PACS1: variants seen among roughly 807,000 people sequenced by gnomAD.
The protein encoded by PACS1 is phosphofurin acidic cluster sorting protein 1, also known as PACS-1.
PACS1 carries 24 observed loss-of-function variants against 115.0 expected under a neutral mutation model. The observed-to-expected ratio is 0.21, with a 90% CI of 0.15 to 0.29. The LOEUF (loss-of-function observed/expected upper bound fraction) is 0.29, where lower values mean the gene tolerates loss of function less well. Ranked by LOEUF, PACS1 falls within the 10% of genes least tolerant of loss-of-function variation. PACS1 has a pLI of 1.00. For synonymous variants in PACS1, 453 were observed against 504.5 expected (o/e 0.90, Z 1.37); for missense variants, 838 against 1,251.2 (o/e 0.67, Z 4.98).
chr11:66,127,596 T>A (rs1858610279), intron 1 of PACS1, among the ~76,000 whole-genome samples: 1 of 152,322 alleles, frequency 6.6e-6, no homozygotes, highest in Non-Finnish European at 1.5e-5. Flanking sequence ...ACGTTCAGTG[T>A]GTAACTTAAA....
chr11:66,090,199 G>A (rs888598463), intron 1 of PACS1, among the ~76,000 whole-genome samples: 4 of 149,254 alleles, frequency 2.7e-5, no homozygotes, highest in Admixed American at 6.7e-5. Context: ...ACTTGACTTG[G>A]CTTGGCTTGG....
At chr11:66,083,405 G>A (rs1857520013) in intron 1 of PACS1, among the ~76,000 whole-genome samples, 2 of 152,158 alleles carry the variant, frequency 1.3e-5, no homozygotes, top group Admixed American at 6.5e-5. Flanking sequence ...TAAAAAGAAT[G>A]GCCGTAATTA....
Position 66,230,620 on chromosome 11 carries a change from A to G in PACS1, c.1447A>G (p.Met483Val), listed in dbSNP as rs1855571118. Reference protein sequence around the residue: ...LVVPEKVKTPMKSSKTDLQGS... With the variant: ...LVVPEKVKTPVKSSKTDLQGS... Reference sequence around the variant, plus strand: ...TGTGCCGGAGAAAGTCAAAACTCCCATGAAGTCCAGTAAAACGGATCTCCA... The same window carrying G: ...TGTGCCGGAGAAAGTCAAAACTCCCGTGAAGTCCAGTAAAACGGATCTCCA... The change falls in exon 12 of 24, where the codon ATG becomes GTG. Residue 483 changes from methionine to valine, a missense_variant. Coordinates refer to ENST00000320580, the MANE Select transcript of PACS1 (RefSeq NM_018026.4). 3.1e-6 allele frequency: 5 copies of G among 1,614,158 alleles called. No individual in the cohort carries two copies. The highest frequency in any genetic ancestry group is 1.3e-5 in the African/African-American group (1 of 75,038).
At chr11:66,210,527 CTG>C in intron 3 of PACS1, 76 bp downstream of exon 3, 2 of 1,062,362 alleles carry the variant, frequency 1.9e-6, no homozygotes, top group Non-Finnish European at 2.9e-6. Context: ...AACCCAGAGA[CTG>C]TTTTATCCCA....
intron 4 of PACS1, among the ~76,000 whole-genome samples, chr11:66,211,828 A>G (rs1414751823): frequency 6.6e-6 from 1 of 152,122 alleles, no homozygotes; most frequent in East Asian, 1.9e-4. Context: ...GATACCCTTT[A>G]TGGGCCTGGG....
At chr11:66,230,258 C>T (rs979535404) in intron 11 of PACS1, 45 of 441,506 alleles carry the variant, frequency 1.0e-4, no homozygotes, top group Non-Finnish European at 1.4e-4. Flanking sequence ...CCTCTTCACT[C>T]CTGGAGACAG....
Position 66,221,276 on chromosome 11 carries a change from G to A in PACS1, c.1293+29G>A, listed in dbSNP as rs773591314. The A allele has an allele frequency of 2.5e-6, 4 of 1,581,438 alleles. 1 individual carries two copies. The highest frequency in any genetic ancestry group is 1.7e-4 in the Middle Eastern group (1 of 5,786). ...AGCGCAACCGCGACTGCGGGGCGGG[G>A]TGGGACCGTGGCATGTCAGGGCTCG... On this transcript the variant is annotated intron_variant, in intron 10 of 23. Transcript: ENST00000320580.
rs1162511627 is a variant in PACS1, at chr11:66,070,599, A to C, written c.113A>C (p.Gln38Pro). Reference protein sequence around the residue: ...SPQQPPPQQQQQQPPQQPTPP... With the variant: ...SPQQPPPQQQPQQPPQQPTPP... Reference sequence around the variant, plus strand: ...CAGCAGCCGCCGCCGCAGCAGCAGCAGCAGCAGCCGCCGCAGCAGCCGACG... The same window carrying C: ...CAGCAGCCGCCGCCGCAGCAGCAGCCGCAGCAGCCGCCGCAGCAGCCGACG... The change falls in exon 1 of 24, where the codon CAG becomes CCG. Residue 38 changes from glutamine to proline, a missense_variant. Coordinates refer to ENST00000320580, the MANE Select transcript of PACS1 (RefSeq NM_018026.4). This position sits in a 1 kb window ranked among gnomAD's most constrained non-coding sequence, Gnocchi z 5.9. 99 of 1,517,034 alleles carry C rather than the reference A, an allele frequency of 6.5e-5. No homozygotes were observed. The highest frequency in any genetic ancestry group is 8.7e-5 in the Non-Finnish European group (99 of 1,141,084). 94.0% of individuals were successfully genotyped at this position (1,517,034 alleles called of 1,614,324 possible). A position where few individuals can be genotyped will look rare whatever the true frequency, so the allele number is the denominator to read the frequency against.
intron 1 of PACS1, among the ~76,000 whole-genome samples, chr11:66,092,331 T>C (rs896454568): frequency 7.2e-5 from 11 of 152,254 alleles, no homozygotes; most frequent in African/African-American, 2.7e-4. Flanking sequence ...TTTTGAGAAG[T>C]GTCTGTTCAT....
At chr11:66,071,476 A>G (rs574802073) in intron 1 of PACS1, among the ~76,000 whole-genome samples, 51 of 152,310 alleles carry the variant, frequency 3.3e-4, no homozygotes, top group African/African-American at 1.1e-3. Flanking sequence ...GGGCTGTATG[A>G]AATTACTGCC....
At position 66,241,509 on chromosome 11, in the gene PACS1, G is replaced by A. The variant is rs1565160995; in HGVS notation, c.2512G>A (p.Gly838Ser). The change falls in exon 22 of 24, where the codon GGC becomes AGC. Residue 838 changes from glycine to serine, a missense_variant. Around this residue, in one of 6 missense-constraint regions of PACS1, gnomAD observed 84 missense variants for 187.1 expected, o/e 0.45. Coordinates refer to ENST00000320580, the MANE Select transcript of PACS1 (RefSeq NM_018026.4). ...CCACCCCGGGGAGCGGAGGAGGGAA[G>A]GCGACAAGAGGGACGCCAGCTCGAA... ...LGHPGERRRE[G>S]DKRDASSKNT... is the part of the protein sequence containing the mutation. 2 of 1,614,090 alleles carry A rather than the reference G, an allele frequency of 1.2e-6. No individual in the cohort carries two copies. Among genetic ancestry groups the A allele is most frequent in the Middle Eastern group, 1.7e-4 (1 of 6,060 alleles).
intron 2 of PACS1, among the ~76,000 whole-genome samples, chr11:66,198,617 G>A (rs1264558193): frequency 6.6e-6 from 1 of 152,132 alleles, no homozygotes; most frequent in Non-Finnish European, 1.5e-5. Flanking sequence ...ACTGCAGAGG[G>A]TGATAATTAA....
At chr11:66,230,040 C>T (rs1168311669) in intron 11 of PACS1, among the ~76,000 whole-genome samples, 1 of 150,344 alleles carries the variant, frequency 6.7e-6, no homozygotes, top group African/African-American at 2.5e-5. Context: ...AGAGTGTGGC[C>T]AGAGCGGGAC....
At chr11:66,183,927 G>A (rs978940262) in intron 1 of PACS1, among the ~76,000 whole-genome samples, 2 of 152,162 alleles carry the variant, frequency 1.3e-5, no homozygotes, top group South Asian at 2.1e-4. Context: ...CATGGCAATG[G>A]TAAACTAACA....
intron 13 of PACS1, among the ~76,000 whole-genome samples, chr11:66,231,201 G>A (rs1241649068): frequency 1.3e-5 from 2 of 152,264 alleles, no homozygotes; most frequent in Non-Finnish European, 2.9e-5. Flanking sequence ...GGCCTGCCAC[G>A]GCTGCGAGTG....
chr11:66,138,073 G>T (rs141258776), intron 1 of PACS1, among the ~76,000 whole-genome samples: 1 of 142,938 alleles, frequency 7.0e-6, no homozygotes, highest in Non-Finnish European at 1.5e-5. Context: ...GGTAGGCCAA[G>T]ATTTTGCCCC....
At chr11:66,239,355 G>A in intron 21 of PACS1, 78 bp downstream of exon 21, 2 of 1,512,838 alleles carry the variant, frequency 1.3e-6, no homozygotes, top group Non-Finnish European at 1.8e-6. Flanking sequence ...AGGCGCATGG[G>A]CTTAGAAGGT....
chr11:66,124,409 A>T (rs539204510), intron 1 of PACS1, among the ~76,000 whole-genome samples: 1 of 152,338 alleles, frequency 6.6e-6, no homozygotes, highest in East Asian at 1.9e-4. Flanking sequence ...CTAGAGTTAT[A>T]TAGTTAGGGT....
At chr11:66,178,819 ATACTT>A (rs980578534) in intron 1 of PACS1, among the ~76,000 whole-genome samples, 1 of 152,178 alleles carries the variant, frequency 6.6e-6, no homozygotes, top group African/African-American at 2.4e-5. Context: ...AAACCTCACT[ATACTT>A]GAGAGAGAAT....
Sources: allele counts gnomAD v4.1 joint callset (sites outside exome capture counted in the v4.1 genomes callset), GRCh38; gene constraint gnomAD v4.1.1; regional missense constraint gnomAD v4.1.1; non-coding constraint Gnocchi (gnomAD v3.1); transcripts MANE v1.5; gene names NCBI Gene and HGNC (gene_info 2026-07-23, HGNC 2026-07-21).